GMPR: variants seen among roughly 807,000 people sequenced by gnomAD.
GMPR encodes the protein GMP reductase 1.
A neutral mutation model predicts 38.4 loss-of-function variants in GMPR; 31 were observed. That is an observed-to-expected ratio of 0.81 (90% CI 0.61 to 1.09). The LOEUF (loss-of-function observed/expected upper bound fraction) is 1.09, where lower values mean the gene tolerates loss of function less well. GMPR is among the 50% of genes least tolerant of loss of function. The pLI is 0.00. For missense variants in GMPR, 468 were observed against 453.7 expected, an observed-to-expected ratio of 1.03 and a Z score of -0.29; for synonymous variants, 162 against 173.3, an observed-to-expected ratio of 0.93 and a Z score of 0.51.
Position 16,290,447 on chromosome 6 carries a change from A to G in GMPR, c.698-15A>G. 1 of 1,612,444 alleles carries G rather than the reference A, an allele frequency of 6.2e-7. No homozygotes were observed. The highest frequency in any genetic ancestry group is 8.5e-7 in the Non-Finnish European group (1 of 1,178,646). On this transcript the variant is annotated splice_polypyrimidine_tract_variant and intron_variant, in intron 7 of 8. Coordinates refer to ENST00000259727, the MANE Select transcript of GMPR (RefSeq NM_006877.4). The stretch of plus-strand genomic sequence containing the variant: ...TTCTCTGCTACTCGCTTTCATCCCC[A>G]CCGTTGGCATTTAGGAGCTGGAGCA...
intron 1 of GMPR, among the ~76,000 whole-genome samples, chr6:16,239,622 G>T (rs1465209345): frequency 6.6e-6 from 1 of 152,244 alleles, no homozygotes; most frequent in African/African-American, 2.4e-5. Context: ...AACCGGACAC[G>T]GTTGAAGGCT....
At chr6:16,288,247 G>T (rs529771344) in intron 7 of GMPR, among the ~76,000 whole-genome samples, 2 of 152,374 alleles carry the variant, frequency 1.3e-5, no homozygotes, top group African/African-American at 4.8e-5. Context: ...TTGAAGGGAG[G>T]TGTGGAGGGA....
intron 1 of GMPR, among the ~76,000 whole-genome samples, chr6:16,242,070 C>T (rs1282814639): frequency 6.6e-6 from 1 of 152,138 alleles, no homozygotes; most frequent in Non-Finnish European, 1.5e-5. Flanking sequence ...AAAAAATAAA[C>T]CCCTAAAAAA....
At chr6:16,271,878 A>G (rs925692052) in intron 4 of GMPR, among the ~76,000 whole-genome samples, 2 of 152,160 alleles carry the variant, frequency 1.3e-5, no homozygotes, top group Admixed American at 6.5e-5. Context: ...TTCTCCCAAC[A>G]TTATACTGAA....
intron 4 of GMPR, among the ~76,000 whole-genome samples, chr6:16,266,808 A>G (rs1759251283): frequency 6.7e-6 from 1 of 149,360 alleles, no homozygotes; most frequent in Non-Finnish European, 1.5e-5. Flanking sequence ...ACAAACAAAA[A>G]AAGAGCTGTA....
intron 6 of GMPR, among the ~76,000 whole-genome samples, chr6:16,280,336 C>T (rs75386862): frequency 0.019 from 2,914 of 152,228 alleles, 76 homozygotes; most frequent in African/African-American, 0.06. Flanking sequence ...GTGCAGATTG[C>T]CTGGGCCCCT....
At position 16,238,748 on chromosome 6, in the gene GMPR, C is replaced by T. The variant is rs776740248; in HGVS notation, c.55C>T (p.Pro19Ser). ...CGACTTCAAGGATGTCCTGCTCCGA[C>T]CTAAGCGGAGCAGCCTCAAGAGCCG... is the stretch of plus-strand genomic sequence containing the variant. Reference protein sequence around the residue: ...KLDFKDVLLRPKRSSLKSRAE... With the variant: ...KLDFKDVLLRSKRSSLKSRAE... Residue 19 changes from proline (P) to serine (S), a missense_variant, in exon 1 of 9, where the codon CCT becomes TCT. Physicochemically the swap from Pro to Ser is moderately conservative, Grantham distance 74. Coordinates refer to ENST00000259727, the MANE Select transcript of GMPR (RefSeq NM_006877.4). 4 of 1,474,466 alleles carry T rather than the reference C, an allele frequency of 2.7e-6. No individual in the cohort carries two copies. The South Asian group carries it at 4.0e-5, about 15-fold the overall frequency. The allele number at this position is 1,474,466 out of a possible 1,614,324, so 91.3% of individuals were successfully genotyped here. A position where few individuals can be genotyped will look rare whatever the true frequency, so the allele number is the denominator to read the frequency against.
chr6:16,255,791 C>T (rs542180124), intron 4 of GMPR, among the ~76,000 whole-genome samples: 8 of 152,216 alleles, frequency 5.3e-5, no homozygotes, highest in East Asian at 1.9e-4. Flanking sequence ...AACTTCGTTT[C>T]TTCTCATATA....
intron 4 of GMPR, chr6:16,262,929 T>A (rs1056311006): frequency 2.0e-5 from 3 of 151,984 alleles, no homozygotes; most frequent in African/African-American, 7.2e-5. Flanking sequence ...GGAGGGCTAG[T>A]CACGGAACGA....
intron 7 of GMPR, chr6:16,290,254 T>C (rs1759811915): frequency 1.6e-6 from 1 of 615,380 alleles, no homozygotes; most frequent in Non-Finnish European, 2.9e-6. Context: ...TGCATTTGTT[T>C]CTCGCAGTGT....
rs143052458 is a variant in GMPR at position 16,291,497 on chromosome 6, T to C, written c.857+876T>C. Among the ~76,000 whole-genome samples the C allele has an allele frequency of 9.3e-3, 1,416 of 152,226 alleles. 15 individuals are homozygous for C. Among genetic ancestry groups the C allele is most frequent in the Non-Finnish European group, 0.017 (1,126 of 68,000 alleles). ...CCTCGACCTCCCAAAGTGCTGGGAT[T>C]ATAGGCATGAGCCACCGCACCTGGC... On this transcript the variant is annotated intron_variant, in intron 8 of 8. Coordinates refer to ENST00000259727, the MANE Select transcript of GMPR (RefSeq NM_006877.4).
chr6:16,267,474 C>G (rs1424877778), intron 4 of GMPR, among the ~76,000 whole-genome samples: 1 of 151,932 alleles, frequency 6.6e-6, no homozygotes, highest in Non-Finnish European at 1.5e-5. Flanking sequence ...CCGGACGGTG[C>G]CACTTTTAAG....
rs1025716813 is a variant in GMPR, at chr6:16,261,269, G to A, written c.465+6534G>A. Among the ~76,000 whole-genome samples the A allele has an allele frequency of 5.3e-5, 8 of 152,062 alleles. No individual in the cohort carries two copies. The East Asian group carries it at 7.7e-4, about 15-fold the overall frequency. ...TGGACACTATCAGCAGGGAAAGCAC[G>A]TGTGTTTTTATAAGAATTATGCTTA... On this transcript the variant is annotated intron_variant, in intron 4 of 8. Coordinates refer to ENST00000259727, the MANE Select transcript of GMPR (RefSeq NM_006877.4).
intron 4 of GMPR, among the ~76,000 whole-genome samples, chr6:16,266,256 A>G (rs141485758): frequency 0.013 from 1,902 of 151,810 alleles, 15 homozygotes; most frequent in Non-Finnish European, 0.017. Flanking sequence ...GAGCTGTAAC[A>G]CTCACTGCGA....
intron 8 of GMPR, among the ~76,000 whole-genome samples, chr6:16,291,157 C>T (rs985890574): frequency 3.3e-5 from 5 of 152,198 alleles, no homozygotes; most frequent in African/African-American, 1.2e-4. Flanking sequence ...GCATTTTCAG[C>T]CATTCAGTTG....
intron 7 of GMPR, among the ~76,000 whole-genome samples, chr6:16,289,362 C>T (rs1016757660): frequency 1.3e-5 from 2 of 152,220 alleles, no homozygotes; most frequent in African/African-American, 4.8e-5. Context: ...TCCCACTGCA[C>T]AGTGATCCAT....
intron 7 of GMPR, among the ~76,000 whole-genome samples, chr6:16,287,497 G>A (rs1759710452): frequency 2.0e-5 from 3 of 152,206 alleles, no homozygotes; most frequent in African/African-American, 7.2e-5. Flanking sequence ...CCGTACCTGT[G>A]CCGAGACTCA....
intron 3 of GMPR, among the ~76,000 whole-genome samples, chr6:16,252,633 C>T (rs1758898592): frequency 6.6e-6 from 1 of 152,176 alleles, no homozygotes; most frequent in Non-Finnish European, 1.5e-5. Context: ...TACTACACAG[C>T]CCGCCACCAA....
intron 2 of GMPR, among the ~76,000 whole-genome samples, chr6:16,249,570 G>GC (rs559421764): frequency 9.9e-5 from 15 of 152,174 alleles, no homozygotes; most frequent in African/African-American, 1.4e-4. Flanking sequence ...TGATCCTCCT[G>GC]CCTCGGCCTC....
Sources: gnomAD v4.1 joint callset for allele counts (sites outside exome capture counted in the v4.1 genomes callset) on GRCh38, gnomAD v4.1.1 for gene constraint, MANE v1.5 for transcripts, NCBI Gene and HGNC (gene_info 2026-07-23, HGNC 2026-07-21) for gene names.